Variants in SMC1B observed in about 807,000 individuals in gnomAD.
SMC1B encodes structural maintenance of chromosomes protein 1B.
SMC1B carries 60 observed loss-of-function variants against 157.9 expected under a neutral mutation model. The ratio of observed to expected loss-of-function variants is 0.38; its 90% CI spans 0.31 to 0.47. The LOEUF is 0.47. Among genes scored for constraint, SMC1B ranks in the 20% least tolerant of loss-of-function variants. SMC1B has a pLI of 0.99. For missense variants in SMC1B, 1,165 were observed against 1,426.2 expected (o/e 0.82, Z 2.95); for synonymous variants, 445 against 483.0 (o/e 0.92, Z 1.03).
At chr22:45,394,903 T>C in intron 7 of SMC1B, 136 bp from the exon 8 acceptor site, 5 of 1,039,506 alleles carry the variant, frequency 4.8e-6, no homozygotes, top group East Asian at 3.7e-5. Context: ...AAAACACTTA[T>C]CAGAGCAAAT....
chr22:45,354,941 GA>G lies in SMC1B; in HGVS notation c.3118+17del. The G allele has an allele frequency of 6.2e-7, 1 of 1,611,604 alleles. No individual in the cohort carries two copies. Among genetic ancestry groups the G allele is most frequent in the East Asian group, 2.2e-5 (1 of 44,862 alleles). ...CACCCATGAATATAATCTTGTTAGT[GA>G]CTACACTCAATTTTACCATCTGTGG... On this transcript the variant is annotated intron_variant, in intron 20 of 24. Transcript: ENST00000357450.
In SMC1B at chr22:45,363,002, A is replaced by G; in HGVS notation, c.2445T>C (p.Thr815=). 1 of 1,588,142 alleles carries G rather than the reference A, an allele frequency of 6.3e-7. No homozygotes were observed. The highest frequency in any genetic ancestry group is 1.9e-5 in the Admixed American group (1 of 52,434). Residue 815 remains threonine (T), a synonymous_variant, in exon 16 of 25, where the codon ACT becomes ACC. Transcript: ENST00000357450. ...TATACTCAAGTTGAACATTAAGCCGAGTTTTTTGTTTTTCAAATTCTAATC... is the reference window on the plus strand; with the variant it reads ...TATACTCAAGTTGAACATTAAGCCGGGTTTTTTGTTTTTCAAATTCTAATC... The part of the protein sequence containing the change: ...QKRLEFEKQK[T]RLNVQLEYSR...
At chr22:45,349,692 T>C (rs1265504108) in intron 23 of SMC1B, 36 bp downstream of exon 23, 2 of 1,553,532 alleles carry the variant, frequency 1.3e-6, no homozygotes, top group Non-Finnish European at 1.8e-6. Flanking sequence ...CCTTGAATTG[T>C]AGACAGTCTA....
At chr22:45,406,724 G>C in intron 3 of SMC1B, 29 bp downstream of exon 3, 2 of 1,582,994 alleles carry the variant, frequency 1.3e-6, no homozygotes, top group African/African-American at 1.4e-5. Flanking sequence ...TCAAAACTCT[G>C]AATCAAATAA....
At chr22:45,351,968 A>C (rs1030080699) in intron 22 of SMC1B, among the ~76,000 whole-genome samples, 1 of 152,236 alleles carries the variant, frequency 6.6e-6, no homozygotes, top group Non-Finnish European at 1.5e-5. Flanking sequence ...CTATTGACTA[A>C]GAAAATAATA....
chr22:45,350,154 A>G (rs1216842554), intron 22 of SMC1B, among the ~76,000 whole-genome samples: 1 of 151,260 alleles, frequency 6.6e-6, no homozygotes, highest in Non-Finnish European at 1.5e-5. Flanking sequence ...TATCTAATCA[A>G]CTCCCTTGGT....
Position 45,388,053 on chromosome 22 carries a change from A to AC in SMC1B, c.1732-1008dup, listed in dbSNP as rs201164313. 5.3e-3 allele frequency among the ~76,000 whole-genome samples: 796 copies of AC among 149,306 alleles called. 7 individuals carry two copies. The highest frequency in any genetic ancestry group is 0.018 in the African/African-American group (762 of 41,242). On this transcript the variant is annotated intron_variant, in intron 10 of 24. Transcript: ENST00000357450. ...GTCAAAAAAAAAAACAGCAAAAAAA[A>AC]CCCACAAACAAAACACTTTTGACTT...
At chr22:45,401,664 G>A (rs546447333) in intron 5 of SMC1B, among the ~76,000 whole-genome samples, 15 of 152,264 alleles carry the variant, frequency 9.9e-5, no homozygotes, top group South Asian at 2.1e-4. Context: ...ATCAGACACC[G>A]CCTCCTCAAG....
rs569597379 is a variant in SMC1B at position 45,357,780 on chromosome 22, T to C, written c.2961+917A>G. Among the ~76,000 whole-genome samples, 14 of 152,360 alleles carry C rather than the reference T, an allele frequency of 9.2e-5. No homozygotes were observed. The South Asian group carries it at 2.9e-3, about 32-fold the overall frequency. ...AATATATATTTGGTTTTCATCCCAG[T>C]TCTAGGCACAGCATACCTAAAACCT... On this transcript the variant is annotated intron_variant, in intron 19 of 24. Coordinates refer to ENST00000357450, the MANE Select transcript of SMC1B (RefSeq NM_148674.5).
At chr22:45,353,582 C>G (rs2086636505) in intron 21 of SMC1B, among the ~76,000 whole-genome samples, 1 of 152,098 alleles carries the variant, frequency 6.6e-6, no homozygotes, top group Admixed American at 6.6e-5. Flanking sequence ...CTCTGGTCAA[C>G]TCCACAGATG....
chr22:45,394,841 T>A, intron 7 of SMC1B, 74 bp from the exon 8 acceptor site: 7 of 1,342,678 alleles, frequency 5.2e-6, no homozygotes, highest in Non-Finnish European at 6.8e-6. Context: ...TAGAACTTAC[T>A]ATAATATTAT....
intron 5 of SMC1B, among the ~76,000 whole-genome samples, chr22:45,399,766 C>G (rs2087170668): frequency 6.6e-6 from 1 of 152,122 alleles, no homozygotes; most frequent in African/African-American, 2.4e-5. Flanking sequence ...ACATGCTGAC[C>G]TAATTCTAGA....
chr22:45,372,497 T>C (rs555752573), intron 12 of SMC1B, among the ~76,000 whole-genome samples: 1 of 152,198 alleles, frequency 6.6e-6, no homozygotes, highest in Admixed American at 6.5e-5. Context: ...TCAAAAAAAC[T>C]AACAGTGCTT....
Position 45,372,016 on chromosome 22 carries a change from C to G in SMC1B, c.2196+139G>C. The stretch of plus-strand genomic sequence containing the variant: ...AGAAATAAAGCCACTGCACTCCAGC[C>G]TGGGTGACAGAGTGAGAGACTCTGT... On this transcript the variant is annotated intron_variant, in intron 13 of 24. Coordinates refer to ENST00000357450, the MANE Select transcript of SMC1B (RefSeq NM_148674.5). 4 of 673,744 alleles carry G rather than the reference C, an allele frequency of 5.9e-6. No homozygotes were observed. The South Asian group carries it at 8.4e-5, about 14-fold the overall frequency. 41.7% of individuals were successfully genotyped at this position (673,744 alleles called of 1,614,324 possible). A position where few individuals can be genotyped will look rare whatever the true frequency, so the allele number is the denominator to read the frequency against.
chr22:45,386,740 G>T, intron 11 of SMC1B, 127 bp downstream of exon 11: 1 of 786,468 alleles, frequency 1.3e-6, no homozygotes, highest in Non-Finnish European at 1.9e-6. Flanking sequence ...TAGGTTCTAT[G>T]TTGGTTCTCT....
chr22:45,358,856 T>C (rs907414444), intron 18 of SMC1B, 61 bp from the exon 19 acceptor site: 19 of 1,113,756 alleles, frequency 1.7e-5, no homozygotes, highest in Non-Finnish European at 2.4e-5. Context: ...ATGGGAGTGG[T>C]TCATGGCACT....
chr22:45,413,484 G>C lies in SMC1B; in HGVS notation c.84C>G (p.Thr28=). ...RQVIGPFRRF[T]CIIGPNGSGK... ...CAGAGCCGTTGGGGCCGATGATGCA[G>C]GTGAACCTCCGGAAGGGGCCAATGA... The change falls in exon 1 of 25, where the codon ACC becomes ACG. Residue 28 remains threonine, a synonymous_variant. Transcript: ENST00000357450. 6.2e-7 allele frequency: 1 copy of C among 1,610,356 alleles called. No individual in the cohort carries two copies. The highest frequency in any genetic ancestry group is 8.5e-7 in the Non-Finnish European group (1 of 1,178,412).
At chr22:45,356,044 T>C (rs895537373) in intron 19 of SMC1B, among the ~76,000 whole-genome samples, 3 of 152,182 alleles carry the variant, frequency 2.0e-5, no homozygotes, top group African/African-American at 7.2e-5. Flanking sequence ...CACTCCAGCC[T>C]AGGTGACAGA....
chr22:45,372,022 GAC>G, intron 13 of SMC1B, 131 bp downstream of exon 13: 4 of 705,044 alleles, frequency 5.7e-6, no homozygotes, highest in Non-Finnish European at 8.6e-6. Context: ...CAGCCTGGGT[GAC>G]AGAGTGAGAG....
Sources: allele counts gnomAD v4.1 joint callset (sites outside exome capture counted in the v4.1 genomes callset), GRCh38; gene constraint gnomAD v4.1.1; transcripts MANE v1.5; gene names NCBI Gene and HGNC (gene_info 2026-07-23, HGNC 2026-07-21).